Variants in MYH14 observed in about 807,000 individuals in gnomAD.
MYH14 encodes myosin heavy chain 14, also known as myosin-14.
A neutral mutation model predicts 255.5 loss-of-function variants in MYH14; 123 were observed. The ratio of observed to expected loss-of-function variants is 0.48; its 90% CI spans 0.42 to 0.56. The LOEUF (loss-of-function observed/expected upper bound fraction) is 0.56, where lower values mean the gene tolerates loss of function less well. Ranked by LOEUF, MYH14 falls within the 20% of genes least tolerant of loss-of-function variation. The pLI is 0.00. For missense variants in MYH14, 2,423 were observed against 2,802.3 expected (o/e 0.86, Z 3.06); for synonymous variants, 1,095 against 1,161.2 (o/e 0.94, Z 1.16).
At chr19:50,290,249 G>A (rs886590343) in intron 35 of MYH14, among the ~76,000 whole-genome samples, 3 of 144,668 alleles carry the variant, frequency 2.1e-5, no homozygotes, top group African/African-American at 7.7e-5. Context: ...CTGCTCATCC[G>A]CCCTCCCCTC....
At chr19:50,248,958 G>A in intron 12 of MYH14, 29 bp from the exon 13 acceptor site, 1 of 1,611,420 alleles carries the variant, frequency 6.2e-7, no homozygotes, top group African/African-American at 1.3e-5. Context: ...TGTGCAGGCT[G>A]CGCCCTTACC....
chr19:50,244,581 T>G (rs1309521674), intron 11 of MYH14, among the ~76,000 whole-genome samples: 2 of 150,194 alleles, frequency 1.3e-5, no homozygotes, highest in Non-Finnish European at 3.0e-5. Context: ...CCTCCCGGGT[T>G]CACACCATTC....
Position 50,281,627 on chromosome 19 carries a change from G to T in MYH14, c.4324G>T (p.Ala1442Ser). 1 of 1,602,448 alleles carries T rather than the reference G, an allele frequency of 6.2e-7. No homozygotes were observed. The highest frequency in any genetic ancestry group is 8.5e-7 in the Non-Finnish European group (1 of 1,173,996). Residue 1442 changes from alanine to serine, a missense_variant, in exon 33 of 43, where the codon GCA (alanine) becomes TCA (serine). By Grantham distance (99) the Ala-to-Ser change is moderately conservative (BLOSUM62 1). Transcript: ENST00000642316. ...GTGGCGGCGGCGCCAGGAGGAGGAG[G>T]CAGGGGCACTGGAGGCAGGGGAGGA... ...SEWRRRQEEEAGALEAGEEAR... is the reference protein window; with the variant it reads ...SEWRRRQEEESGALEAGEEAR...
At chr19:50,257,634 G>T in intron 18 of MYH14, 148 bp downstream of exon 18, 1 of 794,332 alleles carries the variant, frequency 1.3e-6, no homozygotes, top group Non-Finnish European at 2.1e-6. Flanking sequence ...TAGGCTCAGG[G>T]TCCGGTTGGG....
intron 10 of MYH14, among the ~76,000 whole-genome samples, chr19:50,237,483 A>C (rs1218167102): frequency 6.6e-6 from 1 of 151,942 alleles, no homozygotes; most frequent in African/African-American, 2.4e-5. Flanking sequence ...GTGCCACCAC[A>C]CCCGCTAACT....
At chr19:50,246,793 C>T (rs2034146031) in intron 11 of MYH14, among the ~76,000 whole-genome samples, 1 of 152,194 alleles carries the variant, frequency 6.6e-6, no homozygotes, top group South Asian at 2.1e-4. Flanking sequence ...TCTTTGCTCA[C>T]ATGCAGGGTT....
intron 39 of MYH14, among the ~76,000 whole-genome samples, chr19:50,294,305 A>G (rs1156340071): frequency 6.6e-6 from 1 of 151,316 alleles, no homozygotes; most frequent in Non-Finnish European, 1.5e-5. Context: ...GCCATCAGAG[A>G]AGGCTTCCTG....
chr19:50,224,241 T>TG, intron 6 of MYH14, 64 bp downstream of exon 6: 1 of 1,610,880 alleles, frequency 6.2e-7, no homozygotes. Flanking sequence ...ACCCAATGCA[T>TG]GATCTTCTTG....
intron 16 of MYH14, among the ~76,000 whole-genome samples, chr19:50,254,105 T>A (rs1264223794): frequency 1.3e-5 from 2 of 151,542 alleles, no homozygotes; most frequent in Admixed American, 1.3e-4. Context: ...TAATCCCAGC[T>A]ACTCGGGGGG....
Position 50,221,935 on chromosome 19 carries a change from C to T in MYH14, c.563-1148C>T, listed in dbSNP as rs540869987. Among the ~76,000 whole-genome samples the T allele has an allele frequency of 1.8e-3, 271 of 152,300 alleles. 1 individual carries two copies. The highest frequency in any genetic ancestry group is 6.8e-3 in the Middle Eastern group (2 of 294). On this transcript the variant is annotated intron_variant, in intron 3 of 42. Transcript: ENST00000642316. The surrounding 1 kb of genome is among the most constrained non-coding windows in gnomAD (Gnocchi z 5.3). ...CCTCCACTGAGAAGCCTTCCCTGCTCCTTCCCCCAAGTCAATTCTTATTAC... is the reference window on the plus strand; with the variant it reads ...CCTCCACTGAGAAGCCTTCCCTGCTTCTTCCCCCAAGTCAATTCTTATTAC...
intron 1 of MYH14, among the ~76,000 whole-genome samples, chr19:50,207,271 C>CAG (rs764396652): frequency 0.14 from 10,592 of 76,680 alleles, 1,475 homozygotes; most frequent in Non-Finnish European, 0.17. Context: ...GAGAGAGAGA[C>CAG]AGAGAGAGAG....
chr19:50,210,815 C>G (rs575416579), intron 2 of MYH14, 45 bp downstream of exon 2: 8 of 1,526,420 alleles, frequency 5.2e-6, no homozygotes, highest in Non-Finnish European at 7.0e-6. Flanking sequence ...GAGTTGCTGC[C>G]GGTTGGGGAA....
chr19:50,298,275 T>C (rs184619734), intron 39 of MYH14, among the ~76,000 whole-genome samples: 1 of 152,206 alleles, frequency 6.6e-6, no homozygotes, highest in African/African-American at 2.4e-5. Context: ...AGTTTCTGCC[T>C]TGTGCAGGTG....
chr19:50,235,354 CA>C (rs34278236), intron 10 of MYH14, among the ~76,000 whole-genome samples: 576 of 122,802 alleles, frequency 4.7e-3, no homozygotes, highest in East Asian at 7.0e-3. Flanking sequence ...AGACTCCATC[CA>C]AAAAAAAAAA....
intron 2 of MYH14, among the ~76,000 whole-genome samples, chr19:50,214,104 C>G (rs1303206117): frequency 6.6e-6 from 1 of 152,196 alleles, no homozygotes; most frequent in Non-Finnish European, 1.5e-5. Context: ...GATTTACAGG[C>G]TTGAGCCACT....
At chr19:50,259,292 G>T (rs1404786825) in intron 19 of MYH14, 27 bp downstream of exon 19, 2 of 1,553,406 alleles carry the variant, frequency 1.3e-6, no homozygotes, top group Non-Finnish European at 1.7e-6. Flanking sequence ...GCCCAGGCCC[G>T]GCGGAGGGGC....
rs1417411626 is a variant in MYH14 at position 50,247,011 on chromosome 19, G to A, written c.1218G>A (p.Gln406=). The A allele has an allele frequency of 6.2e-7, 1 of 1,611,028 alleles. No individual in the cohort carries two copies. Among genetic ancestry groups the A allele is most frequent in the Middle Eastern group, 1.7e-4 (1 of 6,058 alleles). Reference sequence around the variant, plus strand: ...GGTGCCTCTCGCCCTCAGCTGCACAGAAGCTCTGCCGCCTCTTGGGACTGG... The same window carrying A: ...GGTGCCTCTCGCCCTCAGCTGCACAAAAGCTCTGCCGCCTCTTGGGACTGG... The part of the protein sequence containing the change: ...QATMPDNTAA[Q]KLCRLLGLGV... Residue 406 remains glutamine (Q), a synonymous_variant, in exon 12 of 43, where the codon CAG becomes CAA. Coordinates refer to ENST00000642316, the MANE Select transcript of MYH14 (RefSeq NM_001145809.2).
Position 50,280,056 on chromosome 19 carries a change from C to A in MYH14, c.4052C>A (p.Ser1351Tyr). The change falls in exon 31 of 43, where the codon TCT becomes TAT. Residue 1351 changes from serine to tyrosine, a missense_variant. By Grantham distance (144) the Ser-to-Tyr change is moderately radical. This residue lies in a region of MYH14 where 1,513 missense variants were observed against 1,674.8 expected (regional missense o/e 0.90). Transcript: ENST00000642316. The surrounding 1 kb of genome is among the most constrained non-coding windows in gnomAD (Gnocchi z 4.8). ...CTGCAGGCTGAACTGGAGAATGTGT[C>A]TGGGGCGCTGAACGAGGCTGAGTCC... ...QRAQAELENV[S>Y]GALNEAESKT... 1 of 1,609,776 alleles carries A rather than the reference C, an allele frequency of 6.2e-7. No homozygotes were observed. Among genetic ancestry groups the A allele is most frequent in the Admixed American group, 1.7e-5 (1 of 59,448 alleles).
chr19:50,286,717 G>T, intron 34 of MYH14, 23 bp downstream of exon 34: 1 of 1,550,220 alleles, frequency 6.5e-7, no homozygotes. Flanking sequence ...CCCGCTCCCC[G>T]GGACACACTG....
Sources: gnomAD v4.1 joint callset for allele counts (sites outside exome capture counted in the v4.1 genomes callset) on GRCh38, gnomAD v4.1.1 for gene constraint, gnomAD v4.1.1 regional missense constraint, Gnocchi (gnomAD v3.1) non-coding constraint, MANE v1.5 for transcripts, NCBI Gene and HGNC (gene_info 2026-07-23, HGNC 2026-07-21) for gene names.